Variants in MCC observed in about 807,000 individuals in gnomAD.
MCC encodes the protein colorectal mutant cancer protein.
Under a neutral mutation model 116.2 loss-of-function variants are expected in MCC, and 90 were observed. That is an observed-to-expected ratio of 0.77 (90% confidence interval 0.65 to 0.92). The LOEUF is 0.92. Ranked by LOEUF, MCC falls within the 40% of genes least tolerant of loss-of-function variation. The pLI is 0.00. For synonymous variants in MCC, 578 were observed against 510.5 expected (o/e 1.13, Z -1.78); for missense variants, 1,516 against 1,312.2 (o/e 1.16, Z -2.40).
At chr5:113,393,707 C>T (rs1430391282) in intron 1 of MCC, among the ~76,000 whole-genome samples, 1 of 152,210 alleles carries the variant, frequency 6.6e-6, no homozygotes, top group African/African-American at 2.4e-5. Flanking sequence ...CCTATGTCCT[C>T]ATTTTCTTTT....
intron 3 of MCC, among the ~76,000 whole-genome samples, chr5:113,325,011 A>AG: frequency 6.6e-6 from 1 of 151,894 alleles, no homozygotes; most frequent in East Asian, 1.9e-4. Context: ...TAAAAAAAAA[A>AG]AAAATCTCAG....
chr5:113,153,834 G>A (rs7709353), intron 3 of MCC, among the ~76,000 whole-genome samples: 2,134 of 152,270 alleles, frequency 0.014, 48 homozygotes, highest in African/African-American at 0.044. Context: ...CTTTGGTACT[G>A]ATGTCCCCGA....
intron 1 of MCC, among the ~76,000 whole-genome samples, chr5:113,402,730 T>C (rs1360125795): frequency 1.3e-5 from 2 of 152,140 alleles, no homozygotes; most frequent in Non-Finnish European, 2.9e-5. Flanking sequence ...TGTAGTCTGA[T>C]TACAGAAAGG....
At chr5:113,064,498 C>T (rs1753452554) in intron 13 of MCC, among the ~76,000 whole-genome samples, 1 of 152,246 alleles carries the variant, frequency 6.6e-6, no homozygotes, top group Middle Eastern at 3.2e-3. Flanking sequence ...CTTCTCCTCC[C>T]ATTCAGCCAC....
At chr5:113,341,687 T>C (rs947793462) in intron 2 of MCC, among the ~76,000 whole-genome samples, 7 of 152,176 alleles carry the variant, frequency 4.6e-5, no homozygotes, top group Non-Finnish European at 7.3e-5. Context: ...CAGATGGGAA[T>C]GGTACCCTTG....
chr5:113,103,138 A>C (rs1210770040), intron 7 of MCC, among the ~76,000 whole-genome samples: 1 of 151,964 alleles, frequency 6.6e-6, no homozygotes, highest in Non-Finnish European at 1.5e-5. Context: ...AAATAATAAA[A>C]AGAATAAAGA....
At chr5:113,348,652 A>G (rs768647254) in intron 2 of MCC, among the ~76,000 whole-genome samples, 3 of 152,088 alleles carry the variant, frequency 2.0e-5, no homozygotes, top group Non-Finnish European at 4.4e-5. Flanking sequence ...CTAAAGAACT[A>G]GAAAAGTAAG....
chr5:113,271,752 AG>A (rs1765626876), intron 3 of MCC, among the ~76,000 whole-genome samples: 1 of 152,210 alleles, frequency 6.6e-6, no homozygotes, highest in Non-Finnish European at 1.5e-5. Context: ...TCAGGGGAGT[AG>A]GTTCCTCAGA....
chr5:113,125,511 T>G (rs746960331), intron 5 of MCC, among the ~76,000 whole-genome samples: 7 of 152,180 alleles, frequency 4.6e-5, no homozygotes, highest in Non-Finnish European at 7.3e-5. Flanking sequence ...AAAAAAATCA[T>G]GGAGCTGCAT....
intron 1 of MCC, among the ~76,000 whole-genome samples, chr5:113,416,192 T>C (rs960728771): frequency 2.0e-5 from 3 of 152,228 alleles, no homozygotes; most frequent in South Asian, 2.1e-4. Flanking sequence ...CATCTTGGAA[T>C]GGACCTATGC....
At chr5:113,269,113 A>T in intron 3 of MCC, 1 of 945,488 alleles carries the variant, frequency 1.1e-6, no homozygotes, top group Non-Finnish European at 1.3e-6. Flanking sequence ...AAGGAAATAA[A>T]AGTCAGACCA....
chr5:113,396,250 C>A (rs919875725), intron 1 of MCC, among the ~76,000 whole-genome samples: 1 of 152,130 alleles, frequency 6.6e-6, no homozygotes, highest in East Asian at 1.9e-4. Flanking sequence ...ATCATTTGAG[C>A]CCAGGAGGTG....
chr5:113,033,486 G>T (rs9326872), intron 17 of MCC, among the ~76,000 whole-genome samples: 5,594 of 152,210 alleles, frequency 0.037, 342 homozygotes, highest in African/African-American at 0.13. Flanking sequence ...AACCATTCTT[G>T]TTCCTTTCTC....
chr5:113,345,269 G>A (rs901713098), intron 2 of MCC, among the ~76,000 whole-genome samples: 3 of 149,056 alleles, frequency 2.0e-5, no homozygotes, highest in African/African-American at 7.4e-5. Flanking sequence ...TAGATTTTAC[G>A]TTTTTTTTTT....
intron 3 of MCC, among the ~76,000 whole-genome samples, chr5:113,275,287 C>T (rs943095391): frequency 1.3e-5 from 2 of 152,128 alleles, no homozygotes; most frequent in African/African-American, 4.8e-5. Context: ...AAATGTTGCT[C>T]TAGATTAGCA....
chr5:113,109,449 A>C (rs1756945976), intron 6 of MCC, among the ~76,000 whole-genome samples: 1 of 152,200 alleles, frequency 6.6e-6, no homozygotes, highest in Non-Finnish European at 1.5e-5. Context: ...TATCTAGAAG[A>C]CGCAAATGCA....
intron 14 of MCC, among the ~76,000 whole-genome samples, chr5:113,061,652 C>T (rs1399904846): frequency 6.6e-6 from 1 of 152,224 alleles, no homozygotes; most frequent in Non-Finnish European, 1.5e-5. Context: ...CTCTCTAAAA[C>T]CATTAACCCT....
At chr5:113,068,003 G>T in intron 13 of MCC, 77 bp downstream of exon 13, 1 of 1,255,302 alleles carries the variant, frequency 8.0e-7, no homozygotes, top group Non-Finnish European at 1.2e-6. Flanking sequence ...ATGATTCAAT[G>T]CCAGTTGCTG....
chr5:113,124,272 T>C (rs1160535170), intron 5 of MCC, among the ~76,000 whole-genome samples: 1 of 152,196 alleles, frequency 6.6e-6, no homozygotes, highest in Admixed American at 6.5e-5. Context: ...GGAAAGAAAA[T>C]GATTAAAAAG....
Sources: gnomAD v4.1 joint callset for allele counts (sites outside exome capture counted in the v4.1 genomes callset) on GRCh38, gnomAD v4.1.1 for gene constraint, MANE v1.5 for transcripts, NCBI Gene and HGNC (gene_info 2026-07-23, HGNC 2026-07-21) for gene names.